KDM7A: variants seen among roughly 807,000 people sequenced by gnomAD.
The protein encoded by KDM7A is lysine demethylase 7A, also known as lysine-specific demethylase 7A.
Under a neutral mutation model 114.8 loss-of-function variants are expected in KDM7A, and 28 were observed. The ratio of observed to expected loss-of-function variants is 0.24; its 90% CI spans 0.18 to 0.33. The LOEUF (loss-of-function observed/expected upper bound fraction) is 0.33. Ranked by LOEUF, KDM7A falls within the 10% of genes least tolerant of loss-of-function variation. The probability of loss-of-function intolerance (pLI) is 1.00; values close to 1 mark genes in which losing one functional copy is unlikely to be tolerated. For missense variants in KDM7A, 942 were observed against 1,142.5 expected (o/e 0.82, Z 2.53); for synonymous variants, 423 against 397.8 (o/e 1.06, Z -0.75).
chr7:140,147,268 A>C (rs954447561), intron 1 of KDM7A, among the ~76,000 whole-genome samples: 2 of 152,198 alleles, frequency 1.3e-5, no homozygotes, highest in Non-Finnish European at 2.9e-5. Flanking sequence ...CAAGTACAAG[A>C]TGATCACAGT....
rs926982493 is a variant in KDM7A, at chr7:140,125,024, G to C, written c.889-241C>G. On this transcript the variant is annotated intron_variant, in intron 6 of 19. Coordinates refer to ENST00000397560, the MANE Select transcript of KDM7A (RefSeq NM_030647.2). ...TCAATAAAGTAGTGTTGAAGAAATA[G>C]CTGCAAGACAGGAGGGCAGAGAAGC... 2.6e-5 allele frequency among the ~76,000 whole-genome samples: 4 copies of C among 152,258 alleles called. No homozygotes were observed. The East Asian group carries it at 7.7e-4, about 29-fold the overall frequency.
intron 12 of KDM7A, among the ~76,000 whole-genome samples, chr7:140,101,527 T>C (rs141774024): frequency 2.2e-4 from 33 of 152,304 alleles, no homozygotes; most frequent in Non-Finnish European, 2.8e-4. Flanking sequence ...CATCCCCCTT[T>C]ATTCTGTTGT....
intron 1 of KDM7A, among the ~76,000 whole-genome samples, chr7:140,165,851 A>G (rs1356479351): frequency 1.3e-5 from 2 of 151,828 alleles, no homozygotes; most frequent in African/African-American, 4.8e-5. Flanking sequence ...GAAAGAAAAA[A>G]AAACAGTATG....
At chr7:140,102,794 C>A (rs1183059500) in intron 11 of KDM7A, among the ~76,000 whole-genome samples, 1 of 152,126 alleles carries the variant, frequency 6.6e-6, no homozygotes, top group African/African-American at 2.4e-5. Context: ...ATTCTTTTCA[C>A]GTACATATTT....
chr7:140,096,605 C>G lies in KDM7A; in HGVS notation c.2324G>C (p.Ser775Thr). Residue 775 changes from serine to threonine, a missense_variant, in exon 17 of 20, where the codon AGT becomes ACT. Around this residue, in one of 4 missense-constraint regions of KDM7A, gnomAD observed 512 missense variants for 576.6 expected, o/e 0.89. Transcript: ENST00000397560. ...SLQDPSSCHGSNHEVRQLYRY... is the reference protein window; with the variant it reads ...SLQDPSSCHGTNHEVRQLYRY... The stretch of plus-strand genomic sequence containing the variant: ...ATACAACTGCCTAACCTCATGGTTA[C>G]TGCCATGGCAGCTGCTGGGATCCTG... 6.2e-6 allele frequency: 10 copies of G among 1,614,192 alleles called. No individual in the cohort carries two copies. Among genetic ancestry groups the G allele is most frequent in the Non-Finnish European group, 7.6e-6 (9 of 1,180,006 alleles).
intron 1 of KDM7A, among the ~76,000 whole-genome samples, chr7:140,139,826 G>GA (rs1794241143): frequency 6.6e-6 from 1 of 152,104 alleles, no homozygotes; most frequent in Non-Finnish European, 1.5e-5. Context: ...AGATAAAAGA[G>GA]AAAAGGCATA....
intron 2 of KDM7A, among the ~76,000 whole-genome samples, chr7:140,135,205 C>CT (rs11336171): frequency 0.066 from 8,722 of 131,786 alleles, 328 homozygotes; most frequent in African/African-American, 0.08. Flanking sequence ...TACATAACTC[C>CT]TTTTTTTTTT....
At chr7:140,132,997 T>C (rs1302946606) in intron 3 of KDM7A, among the ~76,000 whole-genome samples, 3 of 152,244 alleles carry the variant, frequency 2.0e-5, no homozygotes, top group African/African-American at 7.2e-5. Flanking sequence ...CATGATTAAA[T>C]GCTTTATAAT....
At chr7:140,143,260 G>A (rs1009577453) in intron 1 of KDM7A, among the ~76,000 whole-genome samples, 40 of 151,398 alleles carry the variant, frequency 2.6e-4, no homozygotes, top group African/African-American at 8.5e-4. Flanking sequence ...AGGGAAAGCC[G>A]AAGTATACTG....
intron 19 of KDM7A, 98 bp downstream of exon 19, chr7:140,091,706 T>C (rs1440108906): frequency 5.5e-5 from 72 of 1,304,972 alleles, no homozygotes; most frequent in Non-Finnish European, 7.7e-5. Flanking sequence ...ATGCATGAGA[T>C]GTTGAACAAC....
chr7:140,164,293 A>G (rs1300323170), intron 1 of KDM7A, among the ~76,000 whole-genome samples: 1 of 152,232 alleles, frequency 6.6e-6, no homozygotes, highest in Non-Finnish European at 1.5e-5. Context: ...GACCTGAAAG[A>G]AAAACCTATA....
intron 8 of KDM7A, 32 bp from the exon 9 acceptor site, chr7:140,119,251 A>T: frequency 8.1e-7 from 1 of 1,234,826 alleles, no homozygotes; most frequent in South Asian, 1.4e-5. Flanking sequence ...TTTAATATTA[A>T]TATTAGAATT....
intron 19 of KDM7A, 41 bp downstream of exon 19, chr7:140,091,763 C>T (rs1255483610): frequency 6.3e-7 from 1 of 1,599,648 alleles, no homozygotes; most frequent in Admixed American, 1.7e-5. Flanking sequence ...CCATCACATA[C>T]AGTCAGAAAT....
chr7:140,105,008 C>T (rs982737249), intron 11 of KDM7A, among the ~76,000 whole-genome samples: 1 of 152,176 alleles, frequency 6.6e-6, no homozygotes, highest in Non-Finnish European at 1.5e-5. Context: ...TCCTTCACAT[C>T]GCTTGTAAAT....
intron 11 of KDM7A, among the ~76,000 whole-genome samples, chr7:140,102,374 ATT>A (rs149936748): frequency 5.3e-4 from 76 of 143,026 alleles, no homozygotes; most frequent in Non-Finnish European, 4.6e-4. Flanking sequence ...TACTTCCTTG[ATT>A]TTTTTTTTTT....
rs966484878 is a variant in KDM7A, at chr7:140,108,335, T to C, written c.1428+2760A>G. Among the ~76,000 whole-genome samples the C allele has an allele frequency of 7.9e-5, 12 of 152,226 alleles. 1 individual carries two copies. The highest frequency in any genetic ancestry group is 2.7e-4 in the African/African-American group (11 of 41,472). On this transcript the variant is annotated intron_variant, in intron 11 of 19. Coordinates refer to ENST00000397560, the MANE Select transcript of KDM7A (RefSeq NM_030647.2). ...GTTCCGTTGCTGACGAGAAGCTGCGTTCCTCTGGAGGGGAAGAGGCACTCT... is the reference window on the plus strand; with the variant it reads ...GTTCCGTTGCTGACGAGAAGCTGCGCTCCTCTGGAGGGGAAGAGGCACTCT...
chr7:140,118,836 A>T (rs1562951306), intron 9 of KDM7A, among the ~76,000 whole-genome samples: 1 of 152,138 alleles, frequency 6.6e-6, no homozygotes, highest in Non-Finnish European at 1.5e-5. Context: ...AGGCTTCTAG[A>T]GGACTAGATG....
chr7:140,101,941 T>C lies in KDM7A; in HGVS notation c.1638+10A>G. Reference sequence around the variant, plus strand: ...AGTTTCTTTTTGTTGTCATGAAACATAATACTTGCCTCTTCCCATGGACAC... The same window carrying C: ...AGTTTCTTTTTGTTGTCATGAAACACAATACTTGCCTCTTCCCATGGACAC... On this transcript the variant is annotated intron_variant, in intron 12 of 19. Transcript: ENST00000397560. 1 of 1,578,936 alleles carries C rather than the reference T, an allele frequency of 6.3e-7. No individual in the cohort carries two copies. The highest frequency in any genetic ancestry group is 8.7e-7 in the Non-Finnish European group (1 of 1,148,782).
chr7:140,100,705 T>TATATATATAC (rs1818198281), intron 12 of KDM7A, among the ~76,000 whole-genome samples: 1 of 38,382 alleles, frequency 2.6e-5, no homozygotes, highest in Admixed American at 2.8e-4. Context: ...TATATATATA[T>TATATATATAC]ATACACATAT....
Sources: gnomAD v4.1 joint callset for allele counts (sites outside exome capture counted in the v4.1 genomes callset) on GRCh38, gnomAD v4.1.1 for gene constraint, gnomAD v4.1.1 regional missense constraint, MANE v1.5 for transcripts, NCBI Gene and HGNC (gene_info 2026-07-23, HGNC 2026-07-21) for gene names.